NRG2: variants seen among roughly 807,000 people sequenced by gnomAD.
NRG2 encodes the protein neuregulin 2, also known as pro-neuregulin-2, membrane-bound isoform.
Under a neutral mutation model 73.9 loss-of-function variants are expected in NRG2, and 27 were observed. The observed-to-expected ratio is 0.37, with a 90% confidence interval of 0.27 to 0.50. The LOEUF (loss-of-function observed/expected upper bound fraction) is 0.50. Ranked by LOEUF, NRG2 falls within the 20% of genes least tolerant of loss-of-function variation. The probability of loss-of-function intolerance (pLI) is 0.96; values close to 1 mark genes in which losing one functional copy is unlikely to be tolerated. For synonymous variants in NRG2, 532 were observed against 541.0 expected (o/e 0.98, Z 0.23); for missense variants, 1,126 against 1,210.1 (o/e 0.93, Z 1.03).
At chr5:139,974,302 T>C (rs1049296853) in intron 1 of NRG2, among the ~76,000 whole-genome samples, 2 of 151,492 alleles carry the variant, frequency 1.3e-5, no homozygotes, top group Admixed American at 6.6e-5. Flanking sequence ...TTTCCCCCTT[T>C]TCCTCTTCCC....
chr5:139,866,025 A>G (rs996304329), intron 4 of NRG2, among the ~76,000 whole-genome samples: 3 of 152,134 alleles, frequency 2.0e-5, no homozygotes, highest in Non-Finnish European at 2.9e-5. Flanking sequence ...AGGAATACCA[A>G]GTTCTTGGGA....
At chr5:139,980,127 C>T (rs1048956498) in intron 1 of NRG2, among the ~76,000 whole-genome samples, 5 of 152,200 alleles carry the variant, frequency 3.3e-5, no homozygotes, top group Admixed American at 2.0e-4. Flanking sequence ...ACTCCCAGGA[C>T]ATCCGGAGGC....
At chr5:139,918,342 A>G (rs1751420460) in intron 1 of NRG2, among the ~76,000 whole-genome samples, 1 of 152,200 alleles carries the variant, frequency 6.6e-6, no homozygotes, top group South Asian at 2.1e-4. Flanking sequence ...ATGGTAACAT[A>G]AGGTGATGGG....
chr5:139,903,582 T>C (rs1765024603), intron 1 of NRG2, among the ~76,000 whole-genome samples: 2 of 152,326 alleles, frequency 1.3e-5, no homozygotes, highest in South Asian at 4.1e-4. Context: ...TCTTTGACTC[T>C]GCAACCGCCC....
chr5:139,848,259 C>G lies in NRG2; in HGVS notation c.2211G>C (p.Ser737=). 31 of 1,114,822 alleles carry G rather than the reference C, an allele frequency of 2.8e-5. No homozygotes were observed. Among genetic ancestry groups the G allele is most frequent in the Non-Finnish European group, 3.4e-5 (31 of 915,452 alleles). 69.1% of individuals were successfully genotyped at this position (1,114,822 alleles called of 1,614,324 possible). ...AGCGGCGCCAGCGCCGGGGCCCCGC[C>G]GACGTCCTGCGGGACGCACCGCGCG... The part of the protein sequence containing the change: ...PRARGASRRT[S]AGPRRWRRSR... Residue 737 remains serine (S), a synonymous_variant, in exon 10 of 10, where the codon TCG becomes TCC. Transcript: ENST00000361474.
chr5:139,937,985 A>G (rs531121036), intron 1 of NRG2, among the ~76,000 whole-genome samples: 2 of 152,332 alleles, frequency 1.3e-5, no homozygotes, highest in East Asian at 3.9e-4. Context: ...AGGATAAGGC[A>G]GGAGGATTGC....
At chr5:140,014,306 G>C (rs924216002) in intron 1 of NRG2, among the ~76,000 whole-genome samples, 1 of 151,828 alleles carries the variant, frequency 6.6e-6, no homozygotes, top group Non-Finnish European at 1.5e-5. Flanking sequence ...GTGAAATCTC[G>C]GTTCACAGCA....
At chr5:139,970,574 T>C (rs1231591136) in intron 1 of NRG2, among the ~76,000 whole-genome samples, 1 of 152,220 alleles carries the variant, frequency 6.6e-6, no homozygotes, top group Non-Finnish European at 1.5e-5. Flanking sequence ...CCTTTATCCC[T>C]CCATGTTTCT....
chr5:139,996,059 GTTAT>G (rs1757990668), intron 1 of NRG2, among the ~76,000 whole-genome samples: 5 of 151,958 alleles, frequency 3.3e-5, no homozygotes, highest in Non-Finnish European at 5.9e-5. Context: ...ACATCAGAAA[GTTAT>G]TTATTTATTT....
In NRG2 at chr5:139,979,017, A is replaced by G. The variant is rs575598309; in HGVS notation, c.700+63353T>C. 2.0e-3 allele frequency among the ~76,000 whole-genome samples: 294 copies of G among 144,256 alleles called. 2 individuals are homozygous for G. The highest frequency in any genetic ancestry group is 7.3e-3 in the African/African-American group (286 of 39,014). The allele number at this position is 144,256 out of a possible 152,430, so 94.6% of individuals were successfully genotyped here. On this transcript the variant is annotated intron_variant, in intron 1 of 9. Coordinates refer to ENST00000361474, the MANE Select transcript of NRG2 (RefSeq NM_004883.3). ...AACCAAACACCGCGTGTTCTCACTCATAGGTGGGAATTGAACAATGAGAAT... is the reference window on the plus strand; with the variant it reads ...AACCAAACACCGCGTGTTCTCACTCGTAGGTGGGAATTGAACAATGAGAAT...
chr5:139,867,740 C>T (rs142783995), intron 4 of NRG2, among the ~76,000 whole-genome samples: 92 of 145,550 alleles, frequency 6.3e-4, no homozygotes, highest in Non-Finnish European at 1.0e-3. Context: ...GAGATCAGCC[C>T]AGCTCTTGGA....
At chr5:139,969,837 G>T (rs149177864) in intron 1 of NRG2, among the ~76,000 whole-genome samples, 20 of 152,258 alleles carry the variant, frequency 1.3e-4, no homozygotes, top group African/African-American at 4.1e-4. Flanking sequence ...TGCCTTTCCC[G>T]TCCTTACTGG....
At position 139,851,618 on chromosome 5, in the gene NRG2, G is replaced by C; in HGVS notation, c.1758C>G (p.Ser586=). 6.2e-7 allele frequency: 1 copy of C among 1,613,976 alleles called. No homozygotes were observed. The highest frequency in any genetic ancestry group is 8.5e-7 in the Non-Finnish European group (1 of 1,179,968). Residue 586 remains serine (S), a synonymous_variant, in exon 9 of 10, where the codon TCC becomes TCG. Coordinates refer to ENST00000361474, the MANE Select transcript of NRG2 (RefSeq NM_004883.3). The surrounding 1 kb of genome is among the most constrained non-coding windows in gnomAD (Gnocchi z 4.2). ...TAGGAACTGACCTCTCGCTGTGTGG[G>C]GAGTCGCGAAGGGAGTCCACGGAAT... ...YHDSVDSLRD[S]PHSERYVSAL... is the part of the protein sequence containing the mutation.
chr5:139,944,839 C>T (rs1753686581), intron 1 of NRG2, among the ~76,000 whole-genome samples: 1 of 152,154 alleles, frequency 6.6e-6, no homozygotes, highest in African/African-American at 2.4e-5. Flanking sequence ...ATACTGTTTT[C>T]CATAGTGGCT....
intron 1 of NRG2, among the ~76,000 whole-genome samples, chr5:139,951,215 G>A (rs1442381495): frequency 6.6e-6 from 1 of 152,206 alleles, no homozygotes; most frequent in Non-Finnish European, 1.5e-5. Context: ...CTCACTTTCT[G>A]TGCTTCAGTT....
chr5:140,003,202 A>G (rs1464606686), intron 1 of NRG2, among the ~76,000 whole-genome samples: 1 of 152,344 alleles, frequency 6.6e-6, no homozygotes, highest in Non-Finnish European at 1.5e-5. Flanking sequence ...AGTCCTGACT[A>G]AAGAAATGCA....
intron 1 of NRG2, among the ~76,000 whole-genome samples, chr5:140,017,686 T>C (rs900181801): frequency 3.3e-5 from 5 of 152,070 alleles, no homozygotes; most frequent in African/African-American, 1.2e-4. Context: ...AGCAGACAAA[T>C]GCATATGAGA....
At chr5:139,981,305 C>T (rs1756781593) in intron 1 of NRG2, among the ~76,000 whole-genome samples, 1 of 152,200 alleles carries the variant, frequency 6.6e-6, no homozygotes, top group South Asian at 2.1e-4. Context: ...GAGCACTGTT[C>T]CCACTCCTAG....
chr5:139,992,267 T>C (rs931057131), intron 1 of NRG2, among the ~76,000 whole-genome samples: 9 of 152,256 alleles, frequency 5.9e-5, no homozygotes, highest in South Asian at 2.1e-4. Flanking sequence ...CGTCTGCTCT[T>C]TAATTATGTG....
Sources: gnomAD v4.1 joint callset for allele counts (sites outside exome capture counted in the v4.1 genomes callset) on GRCh38, gnomAD v4.1.1 for gene constraint, Gnocchi (gnomAD v3.1) non-coding constraint, MANE v1.5 for transcripts, NCBI Gene and HGNC (gene_info 2026-07-23, HGNC 2026-07-21) for gene names.